PSMB7: variants seen among roughly 807,000 people sequenced by gnomAD.
PSMB7 encodes proteasome subunit beta type-7.
In PSMB7, 5 loss-of-function variants were observed where a neutral mutation model predicts 28.1. The observed-to-expected ratio is 0.18, with a 90% CI of 0.09 to 0.37. The LOEUF is 0.37. PSMB7 is among the 10% of genes least tolerant of loss of function. The pLI is 1.00. For missense variants in PSMB7, 275 were observed against 346.2 expected, an observed-to-expected ratio of 0.79 and a Z score of 1.63; for synonymous variants, 122 against 123.7, an observed-to-expected ratio of 0.99 and a Z score of 0.09.
At chr9:124,364,606 G>A (rs1830490547) in intron 6 of PSMB7, among the ~76,000 whole-genome samples, 1 of 151,642 alleles carries the variant, frequency 6.6e-6, no homozygotes, top group Non-Finnish European at 1.5e-5. Flanking sequence ...AAACCAGGCT[G>A]TGGCAGATAC....
intron 5 of PSMB7, among the ~76,000 whole-genome samples, chr9:124,400,974 T>C (rs564595683): frequency 4.7e-4 from 72 of 152,324 alleles, no homozygotes; most frequent in African/African-American, 1.7e-3. Context: ...CCACGTAAGC[T>C]GATATAAACA....
chr9:124,366,641 C>T (rs1028414915), intron 6 of PSMB7, among the ~76,000 whole-genome samples: 2 of 152,202 alleles, frequency 1.3e-5, no homozygotes, highest in East Asian at 3.8e-4. Flanking sequence ...AGGCCTTCAC[C>T]TTCACTCACC....
intron 5 of PSMB7, among the ~76,000 whole-genome samples, chr9:124,402,095 T>C (rs1364496350): frequency 2.0e-5 from 3 of 151,800 alleles, no homozygotes; most frequent in Non-Finnish European, 4.4e-5. Context: ...GGTATTAAAA[T>C]CAGATGTTAC....
chr9:124,398,242 G>A (rs1024558271), intron 5 of PSMB7, among the ~76,000 whole-genome samples: 1 of 151,394 alleles, frequency 6.6e-6, no homozygotes, highest in African/African-American at 2.4e-5. Context: ...TCACTCCCTC[G>A]AAAGGAAAGG....
At chr9:124,415,143 A>G in intron 1 of PSMB7, 1 of 633,414 alleles carries the variant, frequency 1.6e-6, no homozygotes, top group Non-Finnish European at 2.7e-6. Context: ...TAGGAGACGG[A>G]GATAAACGGT....
At chr9:124,415,074 C>T in intron 1 of PSMB7, 139 bp from the exon 2 acceptor site, 1 of 642,122 alleles carries the variant, frequency 1.6e-6, no homozygotes, top group Non-Finnish European at 2.7e-6. Context: ...CTCCCACCAT[C>T]AGCACTGTTC....
chr9:124,361,879 T>C (rs886627031), intron 6 of PSMB7, among the ~76,000 whole-genome samples: 2 of 152,276 alleles, frequency 1.3e-5, no homozygotes, highest in African/African-American at 2.4e-5. Context: ...CGCATTATTC[T>C]TGTCTACAGC....
At chr9:124,403,886 ATT>A (rs35168987) in intron 5 of PSMB7, among the ~76,000 whole-genome samples, 4,896 of 138,158 alleles carry the variant, frequency 0.035, 260 homozygotes, top group African/African-American at 0.11. Flanking sequence ...CTGTCCTGAC[ATT>A]TTTTTTTTTT....
At chr9:124,404,827 TG>T (rs1830946995) in intron 5 of PSMB7, among the ~76,000 whole-genome samples, 1 of 152,076 alleles carries the variant, frequency 6.6e-6, no homozygotes, top group South Asian at 2.1e-4. Flanking sequence ...CACTCCAGCC[TG>T]GGCAACAGAG....
intron 4 of PSMB7, among the ~76,000 whole-genome samples, chr9:124,409,423 G>A (rs1488173469): frequency 6.6e-6 from 1 of 152,158 alleles, no homozygotes; most frequent in African/African-American, 2.4e-5. Flanking sequence ...ACTCAACAAG[G>A]AGGTTCCATG....
intron 5 of PSMB7, among the ~76,000 whole-genome samples, chr9:124,395,182 T>C (rs1440122466): frequency 1.3e-5 from 2 of 152,282 alleles, no homozygotes; most frequent in East Asian, 3.9e-4. Flanking sequence ...AAATGAATGT[T>C]AGACTTAAGA....
At chr9:124,363,091 G>C (rs904208350) in intron 6 of PSMB7, among the ~76,000 whole-genome samples, 7 of 152,200 alleles carry the variant, frequency 4.6e-5, no homozygotes, top group Non-Finnish European at 7.3e-5. Flanking sequence ...CTAGCCTGGT[G>C]CTTGGCATGT....
At chr9:124,354,573 G>A (rs1830378576) in intron 7 of PSMB7, among the ~76,000 whole-genome samples, 1 of 152,184 alleles carries the variant, frequency 6.6e-6, no homozygotes, top group Non-Finnish European at 1.5e-5. Flanking sequence ...GGAGCAGGAA[G>A]CAGAACAAGG....
intron 7 of PSMB7, among the ~76,000 whole-genome samples, chr9:124,354,716 G>A (rs1249436859): frequency 6.6e-6 from 1 of 152,134 alleles, no homozygotes; most frequent in African/African-American, 2.4e-5. Context: ...TGAACAATGT[G>A]TCCCCACCCC....
chr9:124,383,428 C>T (rs1292992235), intron 6 of PSMB7, among the ~76,000 whole-genome samples: 4 of 152,012 alleles, frequency 2.6e-5, no homozygotes, highest in African/African-American at 9.7e-5. Flanking sequence ...CCCCATGTAC[C>T]GAGGGTAGGT....
At chr9:124,415,320 G>A in intron 1 of PSMB7, 44 bp downstream of exon 1, 12 of 1,591,704 alleles carry the variant, frequency 7.5e-6, no homozygotes, top group Non-Finnish European at 1.0e-5. Flanking sequence ...CCCGAGCACC[G>A]CACTCTTCTC....
rs752683800 is a variant in PSMB7, at chr9:124,353,488, T to G, written c.*110A>C. Reference sequence around the variant, plus strand: ...CCTCAGCTGCCCAATTTGGTTTTTGTTTTTTATTGAGTTGAGTTTCATTCG... The same window carrying G: ...CCTCAGCTGCCCAATTTGGTTTTTGGTTTTTATTGAGTTGAGTTTCATTCG... On this transcript the variant is annotated 3_prime_UTR_variant, in exon 8 of 8. Coordinates refer to ENST00000259457, the MANE Select transcript of PSMB7 (RefSeq NM_002799.4). The G allele has an allele frequency of 4.5e-6, 4 of 889,918 alleles. No individual in the cohort carries two copies. Among genetic ancestry groups the G allele is most frequent in the Non-Finnish European group, 5.4e-6 (3 of 558,662 alleles). The allele number at this position is 889,918 out of a possible 1,614,324, so 55.1% of individuals were successfully genotyped here. A position where few individuals can be genotyped will look rare whatever the true frequency, so the allele number is the denominator to read the frequency against.
intron 5 of PSMB7, among the ~76,000 whole-genome samples, chr9:124,389,310 G>A (rs938434131): frequency 2.0e-5 from 3 of 152,028 alleles, no homozygotes; most frequent in African/African-American, 4.8e-5. Flanking sequence ...TGACGCTCTC[G>A]GTCTCATCAG....
chr9:124,396,148 A>C (rs1830838430), intron 5 of PSMB7, among the ~76,000 whole-genome samples: 2 of 152,222 alleles, frequency 1.3e-5, no homozygotes, highest in Admixed American at 1.3e-4. Context: ...TTAACAGTTG[A>C]AAATGAATAT....
Sources: allele counts gnomAD v4.1 joint callset (sites outside exome capture counted in the v4.1 genomes callset), GRCh38; gene constraint gnomAD v4.1.1; transcripts MANE v1.5; gene names NCBI Gene and HGNC (gene_info 2026-07-23, HGNC 2026-07-21).